RUNX1T1: variants seen among roughly 807,000 people sequenced by gnomAD.
The protein encoded by RUNX1T1 is RUNX1 partner transcriptional co-repressor 1, also known as protein CBFA2T1.
A neutral mutation model predicts 62.8 loss-of-function variants in RUNX1T1; 4 were observed. That is an observed-to-expected ratio of 0.06 (90% confidence interval 0.03 to 0.15). The LOEUF is 0.15. Ranked by LOEUF, RUNX1T1 falls within the 10% of genes least tolerant of loss-of-function variation. The pLI, the probability that RUNX1T1 is intolerant of heterozygous loss-of-function variation, is 1.00. For missense variants in RUNX1T1, 508 were observed against 754.3 expected (o/e 0.67, Z 3.82); for synonymous variants, 291 against 286.0 (o/e 1.02, Z -0.18).
At chr8:92,054,892 C>T (rs1281363974) in intron 1 of RUNX1T1, among the ~76,000 whole-genome samples, 2 of 152,066 alleles carry the variant, frequency 1.3e-5, no homozygotes, top group African/African-American at 4.8e-5. Context: ...TTAGCCCCAG[C>T]TACTAGGGAG....
At chr8:92,042,542 G>A (rs1034234711) in intron 1 of RUNX1T1, among the ~76,000 whole-genome samples, 14 of 152,012 alleles carry the variant, frequency 9.2e-5, no homozygotes, top group Admixed American at 3.3e-4. Context: ...GGCTGGTTTC[G>A]AAGGGCCTCA....
upstream of RUNX1T1, among the ~76,000 whole-genome samples, chr8:92,066,162 G>A (rs916806056): frequency 7.2e-5 from 11 of 152,144 alleles, no homozygotes; most frequent in Non-Finnish European, 1.5e-5. Context: ...TGCAAGACTT[G>A]ATAAACTGAA....
intron 2 of RUNX1T1, among the ~76,000 whole-genome samples, chr8:92,074,179 G>C (rs1587484943): frequency 6.6e-6 from 1 of 152,182 alleles, no homozygotes; most frequent in African/African-American, 2.4e-5. Context: ...TTGTGTTTCT[G>C]ATACATGATG....
intron 5 of RUNX1T1, among the ~76,000 whole-genome samples, chr8:92,002,781 CA>C (rs1226234315): frequency 2.0e-5 from 3 of 151,848 alleles, no homozygotes; most frequent in Non-Finnish European, 4.4e-5. Context: ...TTCAGTAAAA[CA>C]AAAAAAGCTC....
At chr8:92,037,986 C>A (rs1489667811) in intron 1 of RUNX1T1, among the ~76,000 whole-genome samples, 1 of 152,044 alleles carries the variant, frequency 6.6e-6, no homozygotes, top group Non-Finnish European at 1.5e-5. Flanking sequence ...ACCATCCTAT[C>A]TCATGGAGAA....
intron 1 of RUNX1T1, among the ~76,000 whole-genome samples, chr8:92,038,057 TA>T (rs1428197778): frequency 6.6e-6 from 1 of 151,846 alleles, no homozygotes; most frequent in East Asian, 1.9e-4. Context: ...TTTATTTATT[TA>T]TTTATTTATT....
chr8:91,991,159 G>C (rs979148394), intron 6 of RUNX1T1, among the ~76,000 whole-genome samples: 1 of 152,106 alleles, frequency 6.6e-6, no homozygotes, highest in Non-Finnish European at 1.5e-5. Flanking sequence ...GCCACAGATA[G>C]CATGCCATAT....
chr8:91,956,669 C>T (rs1158904621), downstream of RUNX1T1: 13 of 226,128 alleles, frequency 5.7e-5, no homozygotes, highest in East Asian at 8.3e-4. Context: ...AGTATGCTGA[C>T]AAAAGCATGA....
At chr8:92,050,696 G>C (rs1346339144) in intron 1 of RUNX1T1, among the ~76,000 whole-genome samples, 1 of 152,146 alleles carries the variant, frequency 6.6e-6, no homozygotes, top group Non-Finnish European at 1.5e-5. Context: ...TGGATTTAAA[G>C]GCTCATCTCA....
chr8:92,008,522 T>C (rs1033985665), intron 4 of RUNX1T1, among the ~76,000 whole-genome samples: 2 of 151,888 alleles, frequency 1.3e-5, no homozygotes, highest in African/African-American at 4.8e-5. Context: ...AAAACAATCA[T>C]ATTCCTTCTG....
At chr8:91,996,777 C>T (rs1398678168) in intron 5 of RUNX1T1, among the ~76,000 whole-genome samples, 2 of 151,308 alleles carry the variant, frequency 1.3e-5, no homozygotes, top group African/African-American at 2.4e-5. Context: ...TTTCCAGCTC[C>T]TCAATAACAG....
At chr8:92,071,264 G>A (rs1225504682) in intron 2 of RUNX1T1, 4 of 152,116 alleles carry the variant, frequency 2.6e-5, no homozygotes, top group Non-Finnish European at 5.9e-5. Context: ...ATGGGCAGAT[G>A]AAGATTCCAA....
chr8:92,063,011 T>TA (rs1832320674), upstream of RUNX1T1: 13 of 1,087,124 alleles, frequency 1.2e-5, no homozygotes, highest in South Asian at 4.8e-4. Flanking sequence ...TGCCAAAAGA[T>TA]AGAAATGTAG....
At chr8:92,051,287 T>A (rs1008728363) in intron 1 of RUNX1T1, among the ~76,000 whole-genome samples, 1 of 152,032 alleles carries the variant, frequency 6.6e-6, no homozygotes, top group Non-Finnish European at 1.5e-5. Flanking sequence ...CTAGGTGCCA[T>A]GGAGACACAA....
intron 1 of RUNX1T1, among the ~76,000 whole-genome samples, chr8:92,097,176 G>A (rs1837816512): frequency 6.6e-6 from 1 of 152,144 alleles, no homozygotes; most frequent in Admixed American, 6.5e-5. Context: ...AAAACCTCAT[G>A]GTATCACTGA....
chr8:92,002,497 T>C (rs912127849), intron 5 of RUNX1T1, among the ~76,000 whole-genome samples: 2 of 152,178 alleles, frequency 1.3e-5, no homozygotes, highest in African/African-American at 2.4e-5. Flanking sequence ...AAACACATGA[T>C]GACTGTTTAG....
upstream of RUNX1T1, chr8:92,102,774 G>C (rs1279822740): frequency 5.2e-6 from 7 of 1,337,746 alleles, no homozygotes; most frequent in Non-Finnish European, 4.9e-6. The surrounding 1 kb of genome is among the most constrained non-coding windows in gnomAD (Gnocchi z 4.5). Flanking sequence ...CGAAGATGAC[G>C]GTCATCGGAA....
intron 1 of RUNX1T1, among the ~76,000 whole-genome samples, chr8:92,037,550 G>GC (rs1430490724): frequency 2.6e-5 from 4 of 152,130 alleles, no homozygotes; most frequent in Non-Finnish European, 5.9e-5. Context: ...ATGGTGGCAT[G>GC]CATCTGTAGT....
chr8:92,070,046 C>T (rs576057990), intron 2 of RUNX1T1, among the ~76,000 whole-genome samples: 2 of 152,298 alleles, frequency 1.3e-5, no homozygotes, highest in Admixed American at 1.3e-4. Context: ...GCATTTCAGT[C>T]CACACTTACT....
Sources: gnomAD v4.1 joint callset for allele counts (sites outside exome capture counted in the v4.1 genomes callset) on GRCh38, gnomAD v4.1.1 for gene constraint, Gnocchi (gnomAD v3.1) non-coding constraint, MANE v1.5 for transcripts, NCBI Gene and HGNC (gene_info 2026-07-23, HGNC 2026-07-21) for gene names.